Variants in USH2A observed in about 807,000 individuals in gnomAD.
USH2A encodes the protein usherin, also known as Usher syndrome 2A (autosomal recessive, mild).
In USH2A, 443 loss-of-function variants were observed where a neutral mutation model predicts 538.9. The observed-to-expected ratio is 0.82, with a 90% CI of 0.76 to 0.89. USH2A has a LOEUF of 0.89. Among genes scored for constraint, USH2A ranks in the 40% least tolerant of loss-of-function variants. The pLI, the probability that USH2A is intolerant of heterozygous loss-of-function variation, is 0.00. For missense variants in USH2A, 6,633 were observed against 6,324.8 expected (o/e 1.05, Z -1.65); for synonymous variants, 2,413 against 2,273.5 (o/e 1.06, Z -1.75).
At chr1:215,866,252 A>G (rs1664465373) in intron 44 of USH2A, among the ~76,000 whole-genome samples, 1 of 152,188 alleles carries the variant, frequency 6.6e-6, no homozygotes, top group Non-Finnish European at 1.5e-5. Context: ...GATTGACACA[A>G]ATTAACAGAT....
At chr1:215,858,072 G>A (rs1664219346) in intron 44 of USH2A, among the ~76,000 whole-genome samples, 3 of 152,150 alleles carry the variant, frequency 2.0e-5, no homozygotes, top group African/African-American at 7.2e-5. Flanking sequence ...TTGAGTTACA[G>A]TTATACAATA....
chr1:215,861,778 A>G (rs2102435412), intron 44 of USH2A, among the ~76,000 whole-genome samples: 1 of 152,158 alleles, frequency 6.6e-6, no homozygotes, highest in East Asian at 1.9e-4. Context: ...GATAAGGGGC[A>G]AGGCTATCAC....
At chr1:215,896,813 G>C (rs2102466866) in intron 40 of USH2A, among the ~76,000 whole-genome samples, 1 of 152,246 alleles carries the variant, frequency 6.6e-6, no homozygotes, top group East Asian at 1.9e-4. Flanking sequence ...CTGTGGACAT[G>C]CCAGGTGCTT....
intron 46 of USH2A, among the ~76,000 whole-genome samples, chr1:215,842,438 C>T (rs1663707003): frequency 6.6e-6 from 1 of 152,110 alleles, no homozygotes; most frequent in South Asian, 2.1e-4. Context: ...CACAATTAGA[C>T]CCAGCCATCC....
At chr1:215,983,642 C>CA (rs981945275) in intron 35 of USH2A, among the ~76,000 whole-genome samples, 8 of 152,044 alleles carry the variant, frequency 5.3e-5, no homozygotes, top group South Asian at 2.1e-4. Flanking sequence ...CACACACACA[C>CA]AAAAAACACC....
intron 38 of USH2A, among the ~76,000 whole-genome samples, chr1:215,925,424 T>C (rs1448492474): frequency 6.6e-6 from 1 of 152,192 alleles, no homozygotes; most frequent in African/African-American, 2.4e-5. Context: ...ATTTGGAAGA[T>C]ATACACAGAA....
chr1:215,671,318 G>A (rs1233979330), intron 63 of USH2A, 25 bp from the exon 64 acceptor site: 4 of 1,611,746 alleles, frequency 2.5e-6, no homozygotes, highest in Non-Finnish European at 3.4e-6. Context: ...GCAGAAATTA[G>A]TGATTTTCAG....
Position 215,905,542 on chromosome 1 carries a change from A to C in USH2A, c.7301-4637T>G, listed in dbSNP as rs149576480. On this transcript the variant is annotated intron_variant, in intron 38 of 71. Coordinates refer to ENST00000307340, the MANE Select transcript of USH2A (RefSeq NM_206933.4). ...TGACTCAAATAACTGTATCACCAAA[A>C]AAAGAGTACTCAGCACAAAAGAGGT... Among the ~76,000 whole-genome samples the C allele has an allele frequency of 5.8e-3, 877 of 152,184 alleles. 8 individuals are homozygous for C. Among genetic ancestry groups the C allele is most frequent in the African/African-American group, 0.02 (821 of 41,530 alleles).
At chr1:215,785,113 C>T (rs113481226) in intron 52 of USH2A, among the ~76,000 whole-genome samples, 10 of 152,162 alleles carry the variant, frequency 6.6e-5, no homozygotes, top group African/African-American at 1.7e-4. Flanking sequence ...ATCCAAATAA[C>T]GAGGCAAAGG....
chr1:216,406,833 G>C (rs1409044422), intron 3 of USH2A, among the ~76,000 whole-genome samples: 1 of 152,008 alleles, frequency 6.6e-6, no homozygotes, highest in East Asian at 1.9e-4. Flanking sequence ...ACTCCAAAAT[G>C]GTTGCATGGA....
chr1:215,950,168 C>T (rs907346486), intron 37 of USH2A, among the ~76,000 whole-genome samples: 2 of 151,992 alleles, frequency 1.3e-5, no homozygotes, highest in African/African-American at 4.8e-5. Flanking sequence ...TGTTGTTATA[C>T]ATATTAAGGA....
intron 50 of USH2A, among the ~76,000 whole-genome samples, chr1:215,794,702 C>T (rs150888064): frequency 1.1e-3 from 162 of 152,280 alleles, no homozygotes; most frequent in African/African-American, 3.8e-3. Flanking sequence ...CTGTAGAATG[C>T]CATGAGAAAC....
intron 3 of USH2A, among the ~76,000 whole-genome samples, chr1:216,403,044 T>C (rs935973038): frequency 3.3e-5 from 5 of 152,112 alleles, no homozygotes; most frequent in African/African-American, 7.2e-5. Context: ...TTCAGCACTA[T>C]ATAAAAGGAA....
intron 3 of USH2A, among the ~76,000 whole-genome samples, chr1:216,376,556 C>T (rs942678603): frequency 2.0e-5 from 3 of 151,942 alleles, no homozygotes; most frequent in Non-Finnish European, 4.4e-5. Flanking sequence ...TTCACTTTTC[C>T]TCAAAATGTT....
chr1:215,779,705 GGACCT>G (rs1327491261), intron 55 of USH2A, 133 bp downstream of exon 55: 6 of 998,116 alleles, frequency 6.0e-6, no homozygotes, highest in Non-Finnish European at 9.1e-6. Context: ...TGGATAAGTG[GGACCT>G]GACCATATGT....
intron 11 of USH2A, among the ~76,000 whole-genome samples, chr1:216,276,693 A>G (rs2036676630): frequency 6.6e-6 from 1 of 152,132 alleles, no homozygotes; most frequent in African/African-American, 2.4e-5. Flanking sequence ...CCTCACAATC[A>G]TGGCAGAAGG....
At chr1:216,405,938 A>G (rs1303006233) in intron 3 of USH2A, among the ~76,000 whole-genome samples, 1 of 152,228 alleles carries the variant, frequency 6.6e-6, no homozygotes, top group Non-Finnish European at 1.5e-5. Flanking sequence ...AAAAGAGTAC[A>G]TATTGTGTGA....
intron 26 of USH2A, among the ~76,000 whole-genome samples, chr1:216,078,795 C>T (rs2031840682): frequency 6.6e-6 from 1 of 151,916 alleles, no homozygotes; most frequent in Non-Finnish European, 1.5e-5. Flanking sequence ...TATGGCAAGA[C>T]AATAAGAAAA....
chr1:216,406,513 AAAATATGCAAACCAAC>A (rs1404569183), intron 3 of USH2A, among the ~76,000 whole-genome samples: 3 of 152,194 alleles, frequency 2.0e-5, no homozygotes, highest in Non-Finnish European at 4.4e-5. Context: ...AGTGGTTTTA[AAAATATGCAAACCAAC>A]AAGCACTACC....
Sources: allele counts gnomAD v4.1 joint callset (sites outside exome capture counted in the v4.1 genomes callset), GRCh38; gene constraint gnomAD v4.1.1; transcripts MANE v1.5; gene names NCBI Gene and HGNC (gene_info 2026-07-23, HGNC 2026-07-21).